The following RRH variants were observed in gnomAD, a reference collection of about 807,000 sequenced individuals.
RRH encodes visual pigment-like receptor peropsin.
RRH carries 36 observed loss-of-function variants against 33.1 expected under a neutral mutation model. That is an observed-to-expected ratio of 1.09 (90% CI 0.83 to 1.44). The LOEUF (loss-of-function observed/expected upper bound fraction) is 1.44, where lower values mean the gene tolerates loss of function less well. Ranked by LOEUF, RRH falls within the 40% of genes most tolerant of loss-of-function variation. RRH has a pLI of 0.00. For synonymous variants in RRH, 124 were observed against 140.2 expected (o/e 0.88, Z 0.82); for missense variants, 393 against 420.2 (o/e 0.94, Z 0.57).
chr4:109,829,234 GT>G (rs1733698775), intron 1 of RRH, among the ~76,000 whole-genome samples: 1 of 151,980 alleles, frequency 6.6e-6, no homozygotes, highest in African/African-American at 2.4e-5. Context: ...TGGAAATTGA[GT>G]TCCTCAGTTA....
intron 1 of RRH, among the ~76,000 whole-genome samples, chr4:109,830,854 T>C (rs12510851): frequency 0.23 from 35,701 of 151,986 alleles, 5,260 homozygotes; most frequent in East Asian, 0.43. Context: ...AAGGGTCTGT[T>C]GAAGAGATTG....
chr4:109,837,310 A>G, intron 4 of RRH, 127 bp from the exon 5 acceptor site: 1 of 898,638 alleles, frequency 1.1e-6, no homozygotes, highest in East Asian at 2.6e-5. Context: ...TAAAAGTCAA[A>G]TATACTTCTA....
At chr4:109,832,276 G>A (rs1046813309) in intron 1 of RRH, among the ~76,000 whole-genome samples, 1 of 149,204 alleles carries the variant, frequency 6.7e-6, no homozygotes, top group East Asian at 2.0e-4. Context: ...ATTTCTCAGT[G>A]TAAAATAAAA....
At chr4:109,837,288 G>A (rs775983079) in intron 4 of RRH, 149 bp from the exon 5 acceptor site, 85 of 743,200 alleles carry the variant, frequency 1.1e-4, no homozygotes, top group Non-Finnish European at 1.8e-4. Flanking sequence ...CCAATTCCGG[G>A]CCTAAATAAA....
chr4:109,836,891 C>CAAAAAAAAAAAAAAAAAAAAAAAAA (rs56989659), intron 4 of RRH, among the ~76,000 whole-genome samples: 7 of 84,406 alleles, frequency 8.3e-5, no homozygotes, highest in African/African-American at 1.8e-4. Flanking sequence ...CCTGTCTCTA[C>CAAAAAAAAAAAAAAAAAAAAAAAAA]AAAAAAAAAA....
Position 109,833,245 on chromosome 4 carries a change from T to C in RRH, c.213T>C (p.Asp71=), listed in dbSNP as rs1468835553. 2 of 1,613,666 alleles carry C rather than the reference T, an allele frequency of 1.2e-6. No individual in the cohort carries two copies. Among genetic ancestry groups the C allele is most frequent in the Admixed American group, 3.3e-5 (2 of 60,020 alleles). Reference sequence around the variant, plus strand: ...TTATTATTAACCTGGCTGTTACTGATATAGGGGTCAGTAGCATTGGCTATC... The same window carrying C: ...TTATTATTAACCTGGCTGTTACTGACATAGGGGTCAGTAGCATTGGCTATC... The part of the protein sequence containing the change: ...NAIIINLAVT[D]IGVSSIGYPM... Residue 71 remains aspartate, a synonymous_variant, in exon 2 of 7, where the codon GAT becomes GAC. Transcript: ENST00000317735.
chr4:109,829,345 A>AAAAT (rs1461507711), intron 1 of RRH, among the ~76,000 whole-genome samples: 1 of 151,972 alleles, frequency 6.6e-6, no homozygotes, highest in Non-Finnish European at 1.5e-5. Flanking sequence ...AAAGACTGAG[A>AAAAT]AAATCTCCTA....
rs78094269 is a variant in RRH at position 109,831,351 on chromosome 4, T to C, written c.107-1788T>C. Among the ~76,000 whole-genome samples, 1,742 of 152,260 alleles carry C rather than the reference T, an allele frequency of 0.011. 90 individuals carry two copies. The East Asian group carries it at 0.13, about 12-fold the overall frequency. ...TGTGCTAATTATCTTGAAGGAATGA[T>C]AGAAATTAAGCAATATGGGTTTTAG... is the stretch of plus-strand genomic sequence containing the variant. On this transcript the variant is annotated intron_variant, in intron 1 of 6. Coordinates refer to ENST00000317735, the MANE Select transcript of RRH (RefSeq NM_006583.5).
rs1241638995 is a variant in RRH, at chr4:109,836,133, G to A, written c.524G>A (p.Cys175Tyr). The A allele has an allele frequency of 6.2e-7, 1 of 1,614,024 alleles. No individual in the cohort carries two copies. The highest frequency in any genetic ancestry group is 1.3e-5 in the African/African-American group (1 of 74,910). ...GCCCCAGATCCTACTGGTGCTACGT[G>A]TACCATAAACTGGAGGAAAAATGAT... ...SYAPDPTGAT[C>Y]TINWRKNDRS... is the part of the protein sequence containing the mutation. Residue 175 changes from cysteine (C) to tyrosine (Y), a missense_variant, in exon 4 of 7, where the codon TGT (cysteine) becomes TAT (tyrosine). Transcript: ENST00000317735.
chr4:109,832,641 A>G (rs1210426873), intron 1 of RRH, among the ~76,000 whole-genome samples: 1 of 152,006 alleles, frequency 6.6e-6, no homozygotes, highest in Admixed American at 6.6e-5. Flanking sequence ...ATGAAAAAAG[A>G]AGATATGGAA....
rs145995401 is a variant in RRH, at chr4:109,842,608, C to T, written c.860C>T (p.Thr287Ile). The T allele has an allele frequency of 4.5e-4, 722 of 1,614,066 alleles. 1 individual carries two copies. In the East Asian group the frequency reaches 8.1e-3, roughly 18 times the overall value. ...GCTCCACTGTTTGCAAAATCTTCTA[C>T]ATTCTATAACCCCTGCATTTATGTG... ...IIAPLFAKSSTFYNPCIYVVA... is the reference protein window; with the variant it reads ...IIAPLFAKSSIFYNPCIYVVA... The change falls in exon 6 of 7, where the codon ACA (threonine) becomes ATA (isoleucine). Residue 287 changes from threonine (T) to isoleucine (I), a missense_variant. Physicochemically the swap from Thr to Ile is moderately conservative, Grantham distance 89. Coordinates refer to ENST00000317735, the MANE Select transcript of RRH (RefSeq NM_006583.5).
chr4:109,833,275 G>A lies in RRH; in HGVS notation c.243G>A (p.Met81Ile), dbSNP rs1171967000. Residue 81 changes from methionine to isoleucine, a missense_variant, in exon 2 of 7, where the codon ATG becomes ATA. Physicochemically the swap from Met to Ile is conservative, Grantham distance 10. Transcript: ENST00000317735. ...GGGTCAGTAGCATTGGCTATCCCAT[G>A]TCTGCTGCCTCAGATCTGTATGGAA... ...DIGVSSIGYP[M>I]SAASDLYGSW... is the part of the protein sequence containing the mutation. The A allele has an allele frequency of 6.2e-7, 1 of 1,613,972 alleles. No homozygotes were observed. Among genetic ancestry groups the A allele is most frequent in the East Asian group, 2.2e-5 (1 of 44,878 alleles).
chr4:109,834,642 C>A (rs958049170), intron 2 of RRH, among the ~76,000 whole-genome samples: 1 of 141,872 alleles, frequency 7.0e-6, no homozygotes, highest in Admixed American at 7.8e-5. Flanking sequence ...TGCGCCCGGA[C>A]CCCCATTTTT....
At chr4:109,836,240 C>A in intron 4 of RRH, 80 bp downstream of exon 4, 2 of 1,457,306 alleles carry the variant, frequency 1.4e-6, no homozygotes, top group South Asian at 1.2e-5. Context: ...AAGCTCAGAT[C>A]ATGTGTTCCT....
intron 4 of RRH, among the ~76,000 whole-genome samples, chr4:109,836,797 G>A (rs1733892950): frequency 6.8e-6 from 1 of 147,938 alleles, no homozygotes; most frequent in African/African-American, 2.5e-5. Flanking sequence ...GTTCATGCCT[G>A]TAATCCCAGC....
chr4:109,834,054 A>T (rs1178659655), intron 2 of RRH, among the ~76,000 whole-genome samples: 9 of 152,160 alleles, frequency 5.9e-5, no homozygotes, highest in Admixed American at 5.9e-4. Context: ...TATTCCTCCC[A>T]TGAATGTTTT....
chr4:109,836,980 C>T (rs1173575963), intron 4 of RRH, among the ~76,000 whole-genome samples: 2 of 151,270 alleles, frequency 1.3e-5, no homozygotes, highest in East Asian at 1.9e-4. Context: ...CTCAGCTACT[C>T]GGTTGGCTAA....
In RRH at chr4:109,828,103, A is replaced by C. The variant is rs751249621; in HGVS notation, c.76A>C (p.Asn26His). Residue 26 changes from asparagine (N) to histidine (H), a missense_variant, in exon 1 of 7, where the codon AAT (asparagine) becomes CAT (histidine). Transcript: ENST00000317735. ...CTCGGTCTTTTCACAGACTGAACACAATATTGTTGCAACTTACTTGATTAT... is the reference window on the plus strand; with the variant it reads ...CTCGGTCTTTTCACAGACTGAACACCATATTGTTGCAACTTACTTGATTAT... ...DGSVFSQTEH[N>H]IVATYLIMAG... 6.2e-7 allele frequency: 1 copy of C among 1,611,826 alleles called. No homozygotes were observed.
chr4:109,829,707 C>G (rs1733709210), intron 1 of RRH, among the ~76,000 whole-genome samples: 1 of 152,112 alleles, frequency 6.6e-6, no homozygotes, highest in South Asian at 2.1e-4. Flanking sequence ...ACTTGTCCAG[C>G]ACACACATTT....
Sources: allele counts gnomAD v4.1 joint callset (sites outside exome capture counted in the v4.1 genomes callset), GRCh38; gene constraint gnomAD v4.1.1; transcripts MANE v1.5; gene names NCBI Gene and HGNC (gene_info 2026-07-23, HGNC 2026-07-21).